The following CDH9 variants were observed in gnomAD, a reference collection of about 807,000 sequenced individuals.
CDH9 encodes the protein cadherin 9.
A neutral mutation model predicts 70.9 loss-of-function variants in CDH9; 28 were observed. The ratio of observed to expected loss-of-function variants is 0.40; its 90% CI spans 0.29 to 0.54. The LOEUF is 0.54. CDH9 is among the 20% of genes least tolerant of loss of function. The pLI, the probability that CDH9 is intolerant of heterozygous loss-of-function variation, is 0.59. For missense variants in CDH9, 874 were observed against 984.4 expected, an observed-to-expected ratio of 0.89 and a Z score of 1.50; for synonymous variants, 409 against 343.1, an observed-to-expected ratio of 1.19 and a Z score of -2.12.
chr5:26,988,055 A>T (rs748902738), intron 2 of CDH9, 51 bp downstream of exon 2: 2 of 1,355,050 alleles, frequency 1.5e-6, no homozygotes, highest in South Asian at 2.6e-5. Flanking sequence ...CTGGAAAAAA[A>T]TAAATAGCTG....
At position 26,931,097 on chromosome 5, in the gene CDH9, G is replaced by T. The variant is rs575248214; in HGVS notation, c.229-15173C>A. On this transcript the variant is annotated intron_variant, in intron 2 of 11. Coordinates refer to ENST00000231021, the MANE Select transcript of CDH9 (RefSeq NM_016279.4). ...CTCATAGCAAACCACGACAAACCTG[G>T]ACAAAATATGTAAATTCACTGTTTT... Among the ~76,000 whole-genome samples the T allele has an allele frequency of 3.3e-5, 5 of 152,222 alleles. 1 individual carries two copies. Among genetic ancestry groups the T allele is most frequent in the South Asian group, 2.1e-4 (1 of 4,818 alleles).
At chr5:27,008,801 T>C (rs992291575) in intron 1 of CDH9, among the ~76,000 whole-genome samples, 1 of 152,168 alleles carries the variant, frequency 6.6e-6, no homozygotes, top group Non-Finnish European at 1.5e-5. Flanking sequence ...TCCACAAATA[T>C]TATGAACTGG....
chr5:26,992,402 CT>C (rs999892975), intron 1 of CDH9, among the ~76,000 whole-genome samples: 7 of 152,140 alleles, frequency 4.6e-5, no homozygotes, highest in African/African-American at 1.7e-4. Flanking sequence ...GTTCTCTTGC[CT>C]TTTGACCATG....
At chr5:27,017,539 A>T (rs1320179136) in intron 1 of CDH9, among the ~76,000 whole-genome samples, 1 of 152,022 alleles carries the variant, frequency 6.6e-6, no homozygotes, top group African/African-American at 2.4e-5. Flanking sequence ...GCCTGTTCAC[A>T]GCATATCTCT....
chr5:26,885,897 C>G, intron 10 of CDH9, 32 bp from the exon 11 acceptor site: 8 of 1,605,700 alleles, frequency 5.0e-6, no homozygotes, highest in Non-Finnish European at 6.8e-6. Flanking sequence ...AAAACAAAAA[C>G]TTTCATATTT....
At chr5:27,023,931 A>T (rs1018508285) in intron 1 of CDH9, among the ~76,000 whole-genome samples, 1 of 151,780 alleles carries the variant, frequency 6.6e-6, no homozygotes, top group Non-Finnish European at 1.5e-5. Context: ...GGGCACCTGC[A>T]ATTGCATCTA....
Position 26,915,714 on chromosome 5 carries a change from T to C in CDH9, c.439A>G (p.Ile147Val), listed in dbSNP as rs1160748761. 5.0e-6 allele frequency: 8 copies of C among 1,612,704 alleles called. No homozygotes were observed. Among genetic ancestry groups the C allele is most frequent in the Admixed American group, 3.3e-5 (2 of 59,966 alleles). ...TTGTCATTGATATCATGTATTTTAA[T>C]GATAAATTCCGATTCCGGTTCCACC... ...RQVEPESEFI[I>V]KIHDINDNEP... The change falls in exon 3 of 12, where the codon ATT (isoleucine) becomes GTT (valine). Residue 147 changes from isoleucine (I) to valine (V), a missense_variant. Coordinates refer to ENST00000231021, the MANE Select transcript of CDH9 (RefSeq NM_016279.4).
intron 2 of CDH9, among the ~76,000 whole-genome samples, chr5:26,969,561 T>G (rs1289740099): frequency 1.3e-5 from 2 of 152,038 alleles, no homozygotes; most frequent in Admixed American, 6.6e-5. Flanking sequence ...TTTTTGTAGG[T>G]TTTGAAATAA....
At chr5:27,020,338 A>G (rs1032078836) in intron 1 of CDH9, among the ~76,000 whole-genome samples, 16 of 151,772 alleles carry the variant, frequency 1.1e-4, no homozygotes, top group Non-Finnish European at 1.9e-4. Context: ...GTGTAAAATA[A>G]TTACTTAACT....
At chr5:26,999,054 G>A (rs1197841825) in intron 1 of CDH9, among the ~76,000 whole-genome samples, 1 of 152,014 alleles carries the variant, frequency 6.6e-6, no homozygotes, top group Non-Finnish European at 1.5e-5. Flanking sequence ...AGACCATCCT[G>A]GCCAACATGG....
Position 26,881,020 on chromosome 5 carries a change from G to A in CDH9, c.*116C>T, listed in dbSNP as rs1579657636. Reference sequence around the variant, plus strand: ...CAAATCCCTACTTGACAACATCTACGTATTGTTTGTAACTTCAATTTTTGA... The same window carrying A: ...CAAATCCCTACTTGACAACATCTACATATTGTTTGTAACTTCAATTTTTGA... On this transcript the variant is annotated 3_prime_UTR_variant, in exon 12 of 12. Coordinates refer to ENST00000231021, the MANE Select transcript of CDH9 (RefSeq NM_016279.4). The A allele has an allele frequency of 3.4e-6, 3 of 874,622 alleles. No homozygotes were observed. The highest frequency in any genetic ancestry group is 2.5e-5 in the East Asian group (1 of 40,414). 54.2% of individuals were successfully genotyped at this position (874,622 alleles called of 1,614,324 possible).
At chr5:26,907,838 T>A (rs752151571) in intron 3 of CDH9, among the ~76,000 whole-genome samples, 4 of 152,098 alleles carry the variant, frequency 2.6e-5, no homozygotes, top group Admixed American at 1.3e-4. Context: ...TTACATACAT[T>A]TTAAAGATTT....
intron 7 of CDH9, among the ~76,000 whole-genome samples, chr5:26,897,584 T>C (rs914239424): frequency 6.6e-6 from 1 of 152,134 alleles, no homozygotes; most frequent in Non-Finnish European, 1.5e-5. Context: ...ATTATCTCAA[T>C]AGATGAAGGA....
chr5:27,028,164 TGCTCAGGAA>T (rs1363145766), intron 1 of CDH9: 4 of 151,884 alleles, frequency 2.6e-5, no homozygotes, highest in Non-Finnish European at 5.9e-5. Context: ...AGATCACTTG[TGCTCAGGAA>T]TTCAAGACCA....
At chr5:26,896,418 T>A (rs1740750884) in intron 7 of CDH9, among the ~76,000 whole-genome samples, 1 of 151,740 alleles carries the variant, frequency 6.6e-6, no homozygotes, top group Admixed American at 6.6e-5. Flanking sequence ...ATATCTCTAA[T>A]CTAAATATTT....
At chr5:26,935,096 A>G (rs1026423717) in intron 2 of CDH9, among the ~76,000 whole-genome samples, 1 of 152,202 alleles carries the variant, frequency 6.6e-6, no homozygotes, top group Non-Finnish European at 1.5e-5. Flanking sequence ...GAAGTGAATT[A>G]GGTAATCTGT....
chr5:26,970,403 T>C (rs1347928280), intron 2 of CDH9, among the ~76,000 whole-genome samples: 1 of 152,188 alleles, frequency 6.6e-6, no homozygotes, highest in Admixed American at 6.5e-5. Context: ...GGTTTATCTA[T>C]AGTTTTCTAA....
At chr5:26,993,141 C>A (rs374003221) in intron 1 of CDH9, among the ~76,000 whole-genome samples, 103 of 146,798 alleles carry the variant, frequency 7.0e-4, no homozygotes, top group Admixed American at 2.0e-3. Context: ...TAACATGGAA[C>A]AGAACGTTGA....
At chr5:26,958,104 C>T (rs935023520) in intron 2 of CDH9, among the ~76,000 whole-genome samples, 4 of 152,082 alleles carry the variant, frequency 2.6e-5, no homozygotes, top group Non-Finnish European at 5.9e-5. Context: ...ATTCAGAAAA[C>T]AACAACAGCA....
Sources: gnomAD v4.1 joint callset for allele counts (sites outside exome capture counted in the v4.1 genomes callset) on GRCh38, gnomAD v4.1.1 for gene constraint, MANE v1.5 for transcripts, NCBI Gene and HGNC (gene_info 2026-07-23, HGNC 2026-07-21) for gene names.